SLC9B1: variants seen among roughly 807,000 people sequenced by gnomAD.
SLC9B1 encodes solute carrier family 9 member B1.
In SLC9B1, 32 loss-of-function variants were observed where a neutral mutation model predicts 51.7. The observed-to-expected ratio is 0.62, with a 90% CI of 0.47 to 0.83. The LOEUF is 0.83. Among genes scored for constraint, SLC9B1 ranks in the 40% least tolerant of loss-of-function variants. The pLI is 0.00. For synonymous variants in SLC9B1, 145 were observed against 212.7 expected (o/e 0.68, Z 2.77); for missense variants, 406 against 613.2 (o/e 0.66, Z 3.57).
intron 7 of SLC9B1, among the ~76,000 whole-genome samples, chr4:102,921,198 C>A (rs1195855269): frequency 6.6e-6 from 1 of 152,214 alleles, no homozygotes; most frequent in Non-Finnish European, 1.5e-5. Flanking sequence ...GCCCATCAGA[C>A]TAACAGTGGA....
chr4:102,898,137 C>T (rs1211256152), downstream of SLC9B1: 8 of 502,242 alleles, frequency 1.6e-5, no homozygotes, highest in African/African-American at 3.9e-5. Flanking sequence ...TCCAGAGCCT[C>T]GCTGTACTAA....
chr4:102,890,854 G>A (rs1443348572), intron 11 of SLC9B1: 4 of 71,212 alleles, frequency 5.6e-5, no homozygotes, highest in African/African-American at 1.6e-4. Flanking sequence ...AAAAAAAAAA[G>A]TCTTTTTTTT....
At chr4:102,947,801 T>G (rs1425144671) in intron 4 of SLC9B1, among the ~76,000 whole-genome samples, 14 of 152,262 alleles carry the variant, frequency 9.2e-5, no homozygotes. Flanking sequence ...ACAGTCAATT[T>G]CCTACAGCAT....
chr4:102,939,636 A>G (rs924901636), intron 6 of SLC9B1, among the ~76,000 whole-genome samples: 4 of 152,226 alleles, frequency 2.6e-5, no homozygotes, highest in Non-Finnish European at 1.5e-5. Context: ...ACTGATGATC[A>G]TAGATGCAAA....
At chr4:102,893,047 C>G (rs1351825290) in intron 11 of SLC9B1, among the ~76,000 whole-genome samples, 1 of 151,986 alleles carries the variant, frequency 6.6e-6, no homozygotes, top group Non-Finnish European at 1.5e-5. Context: ...CTTTGGGAGG[C>G]CAAGGCGGGC....
intron 1 of SLC9B1, among the ~76,000 whole-genome samples, chr4:102,996,040 G>A (rs1740196784): frequency 6.6e-6 from 1 of 152,144 alleles, no homozygotes; most frequent in African/African-American, 2.4e-5. Flanking sequence ...GAATTTAAAT[G>A]AAGTACTCTT....
At chr4:102,909,484 T>C (rs1384420117) in intron 9 of SLC9B1, among the ~76,000 whole-genome samples, 1 of 152,138 alleles carries the variant, frequency 6.6e-6, no homozygotes, top group East Asian at 1.9e-4. Flanking sequence ...GCGCCTGTAA[T>C]CCCAGCTACT....
intron 3 of SLC9B1, among the ~76,000 whole-genome samples, chr4:102,967,830 C>A (rs1738512982): frequency 6.6e-6 from 1 of 152,068 alleles, no homozygotes; most frequent in Non-Finnish European, 1.5e-5. Context: ...AGTGCAAAAC[C>A]TTTGCACTGA....
chr4:102,921,193 T>A (rs1735856860), intron 7 of SLC9B1, among the ~76,000 whole-genome samples: 1 of 152,170 alleles, frequency 6.6e-6, no homozygotes, highest in African/African-American at 2.4e-5. Flanking sequence ...GGGAAGCCCA[T>A]CAGACTAACA....
At chr4:103,016,682 C>G (rs1741373093) in intron 1 of SLC9B1, 1 of 150,790 alleles carries the variant, frequency 6.6e-6, no homozygotes, top group South Asian at 2.1e-4. Flanking sequence ...TCTGGAACTC[C>G]CGTCCTCAGG....
At chr4:103,004,788 T>A (rs1035198540) in intron 1 of SLC9B1, among the ~76,000 whole-genome samples, 5 of 152,194 alleles carry the variant, frequency 3.3e-5, no homozygotes, top group Admixed American at 6.5e-5. Context: ...TATTCAGCAT[T>A]CTTAAAGAAA....
At chr4:102,946,156 C>A (rs1250457670) in intron 5 of SLC9B1, among the ~76,000 whole-genome samples, 3 of 152,202 alleles carry the variant, frequency 2.0e-5, no homozygotes, top group African/African-American at 7.2e-5. Flanking sequence ...ATATAAGAGA[C>A]ATTTATCTCT....
rs536977471 is a variant in SLC9B1 at position 102,996,793 on chromosome 4, A to AT, written c.-1-5082dup. Among the ~76,000 whole-genome samples the AT allele has an allele frequency of 6.6e-4, 99 of 149,930 alleles. 1 individual carries two copies. The highest frequency in any genetic ancestry group is 2.3e-3 in the African/African-American group (94 of 40,758). ...AGGCTAACATTATGCTAGTGCTTGT[A>AT]TTTTTTTTTCTGAGATAGGGTCTTC... On this transcript the variant is annotated intron_variant, in intron 1 of 11. Coordinates refer to ENST00000296422, the MANE Select transcript of SLC9B1 (RefSeq NM_139173.4).
intron 7 of SLC9B1, among the ~76,000 whole-genome samples, chr4:102,914,672 T>C (rs1735497725): frequency 6.6e-6 from 1 of 152,150 alleles, no homozygotes; most frequent in Non-Finnish European, 1.5e-5. Flanking sequence ...AGAAGACTAG[T>C]CATTTGAAAT....
At chr4:102,967,303 C>T (rs1738480134) in intron 3 of SLC9B1, among the ~76,000 whole-genome samples, 1 of 152,198 alleles carries the variant, frequency 6.6e-6, no homozygotes, top group Admixed American at 6.5e-5. Context: ...CTGCCCATTA[C>T]CCAGTTCCAA....
chr4:102,965,464 T>G (rs1378586866), intron 3 of SLC9B1, among the ~76,000 whole-genome samples: 1 of 152,122 alleles, frequency 6.6e-6, no homozygotes. Flanking sequence ...CCAATCCAGT[T>G]TCATGAGAGC....
intron 3 of SLC9B1, among the ~76,000 whole-genome samples, chr4:102,977,640 C>A (rs574793109): frequency 2.0e-5 from 3 of 152,120 alleles, no homozygotes; most frequent in Non-Finnish European, 4.4e-5. Context: ...AACACTAGTA[C>A]AATTTTTTTC....
chr4:102,893,362 C>T (rs1268230091), intron 11 of SLC9B1, among the ~76,000 whole-genome samples: 3 of 145,788 alleles, frequency 2.1e-5, no homozygotes, highest in African/African-American at 7.7e-5. Context: ...TTTAGCAACA[C>T]ATTGGAAAAT....
rs149778184 is a variant in SLC9B1, at chr4:102,949,419, G to T, written c.220C>A (p.Leu74Met). 4.8e-5 allele frequency: 75 copies of T among 1,578,004 alleles called. No homozygotes were observed. The highest frequency in any genetic ancestry group is 6.2e-5 in the Non-Finnish European group (73 of 1,168,280). ...CAGGTCATACACCATATCACAAACA[G>T]TATAACTCCTGAAATACAAAAAAGT... ...LNVIITNGVI[L>M]FVIWCMTWSI... Residue 74 changes from leucine to methionine, a missense_variant, in exon 4 of 12, where the codon CTG becomes ATG. Leu to Met is a conservative substitution (Grantham distance 15). Around this residue, in one of 6 missense-constraint regions of SLC9B1, gnomAD observed 108 missense variants for 94.5 expected, o/e 1.14. Transcript: ENST00000296422.
Sources: gnomAD v4.1 joint callset for allele counts (sites outside exome capture counted in the v4.1 genomes callset) on GRCh38, gnomAD v4.1.1 for gene constraint, gnomAD v4.1.1 regional missense constraint, MANE v1.5 for transcripts, NCBI Gene and HGNC (gene_info 2026-07-23, HGNC 2026-07-21) for gene names.